Variants in FAHD1 observed in about 807,000 individuals in gnomAD.
The protein encoded by FAHD1 is oxaloacetate tautomerase FAHD1, mitochondrial.
FAHD1 carries 14 observed loss-of-function variants against 12.7 expected under a neutral mutation model. The ratio of observed to expected loss-of-function variants is 1.10; its 90% CI spans 0.73 to 1.72. The LOEUF is 1.72. FAHD1 is among the 40% of genes most tolerant of loss of function. FAHD1 has a pLI of 0.00. For synonymous variants in FAHD1, 153 were observed against 124.9 expected (o/e 1.22, Z -1.50); for missense variants, 351 against 298.9 (o/e 1.17, Z -1.29).
rs200823071 is a variant in FAHD1, at chr16:1,827,533, G to T, written c.295G>T (p.Asp99Tyr). The stretch of plus-strand genomic sequence containing the variant: ...CGTGGGCGGCTATGCCCTGTGCCTG[G>T]ATATGACCGCCCGGGACGTGCAGGA... Residue 99 changes from aspartate (D) to tyrosine (Y), a missense_variant, in exon 1 of 1, where the codon GAT becomes TAT. Physicochemically the swap from Asp to Tyr is radical, Grantham distance 160. Transcript: ENST00000427358. 6.6e-5 allele frequency: 107 copies of T among 1,613,246 alleles called. 1 individual carries two copies. In the East Asian group the frequency reaches 2.0e-3, roughly 30 times the overall value.
chr16:1,832,280 C>A (rs1041089474), downstream of FAHD1, among the ~76,000 whole-genome samples: 1 of 145,444 alleles, frequency 6.9e-6, no homozygotes, highest in Non-Finnish European at 1.5e-5. Context: ...ACGCCATTCT[C>A]CTGCCTCAGC....
At chr16:1,832,448 G>T (rs1023917840), downstream of FAHD1, among the ~76,000 whole-genome samples, 1 of 149,806 alleles carries the variant, frequency 6.7e-6, no homozygotes, top group Non-Finnish European at 1.5e-5. Context: ...TGGGATTACA[G>T]GCGTGAGCCA....
chr16:1,839,253 AC>A, intron 2 of FAHD1: 1 of 1,581,886 alleles, frequency 6.3e-7, no homozygotes. Context: ...TTTGCTATTT[AC>A]CGTGCAGCCC....
downstream of FAHD1, among the ~76,000 whole-genome samples, chr16:1,830,923 C>CAT: frequency 1.2e-5 from 1 of 81,284 alleles, no homozygotes; most frequent in Non-Finnish European, 3.2e-5. Context: ...TCTATACACA[C>CAT]ACACACACAC....
At chr16:1,827,214 A>G in exon 1 of FAHD1, 1 of 1,585,334 alleles carries the variant, frequency 6.3e-7, no homozygotes, top group Non-Finnish European at 8.6e-7. Context: ...AGCCCACGTG[A>G]CTACAGGGGC....
chr16:1,830,944 A>ACACACACACACACACACAC (rs57025691), downstream of FAHD1, among the ~76,000 whole-genome samples: 1 of 147,204 alleles, frequency 6.8e-6, no homozygotes, highest in Non-Finnish European at 1.5e-5. Flanking sequence ...ACACACACAC[A>ACACACACACACACACACAC]CCCATATTTT....
intron 2 of FAHD1, chr16:1,839,176 A>G: frequency 7.0e-7 from 1 of 1,434,594 alleles, no homozygotes; most frequent in South Asian, 1.6e-5. Flanking sequence ...CAAATGTTTG[A>G]CAAAACAACC....
chr16:1,828,415 C>A, exon 1 of FAHD1: 4 of 1,001,358 alleles, frequency 4.0e-6, no homozygotes, highest in Non-Finnish European at 4.8e-6. Context: ...TAAAGTATTT[C>A]TTCGGAAAAC....
intron 1 of FAHD1, chr16:1,834,234 G>C: frequency 7.8e-7 from 1 of 1,289,048 alleles, no homozygotes; most frequent in Non-Finnish European, 1.1e-6. Flanking sequence ...TACTTTTCCA[G>C]AGTTCAAAAT....
intron 1 of FAHD1, chr16:1,837,698 C>T: frequency 1.4e-6 from 1 of 692,414 alleles, no homozygotes; most frequent in Non-Finnish European, 2.3e-6. Flanking sequence ...ATAATAAATT[C>T]TCGAATTTAT....
chr16:1,836,339 G>C (rs920038182), intron 1 of FAHD1, among the ~76,000 whole-genome samples: 16 of 152,216 alleles, frequency 1.1e-4, no homozygotes, highest in African/African-American at 3.6e-4. Flanking sequence ...GTATCCACTT[G>C]AGGGTCATTC....
exon 1 of FAHD1, chr16:1,827,258 T>G (rs751822858): frequency 4.3e-6 from 7 of 1,610,708 alleles, no homozygotes; most frequent in Non-Finnish European, 5.1e-6. Flanking sequence ...TCCAGGCCAT[T>G]GTCCCGCTTC....
At chr16:1,828,030 G>C (rs1143032) in exon 1 of FAHD1, 3 of 1,467,582 alleles carry the variant, frequency 2.0e-6, no homozygotes, top group Non-Finnish European at 2.7e-6. Flanking sequence ...GCCTGTAATC[G>C]CAGCACTTTG....
chr16:1,829,532 A>G (rs545340004), downstream of FAHD1, among the ~76,000 whole-genome samples: 1 of 152,232 alleles, frequency 6.6e-6, no homozygotes, highest in Non-Finnish European at 1.5e-5. Context: ...TCTTGTAAGT[A>G]GATACATAAG....
At chr16:1,828,031 C>T (rs1143033) in exon 1 of FAHD1, 247,004 of 1,467,700 alleles carry the variant, frequency 0.17, 21,952 homozygotes, top group South Asian at 0.28. Context: ...CCTGTAATCG[C>T]AGCACTTTGG....
chr16:1,828,719 C>G, exon 1 of FAHD1: 1 of 948,486 alleles, frequency 1.1e-6, no homozygotes, highest in Non-Finnish European at 1.3e-6. Context: ...CAGGGCATTC[C>G]AAGTGATTCT....
At chr16:1,832,138 G>A (rs922197412), downstream of FAHD1, among the ~76,000 whole-genome samples, 1 of 149,628 alleles carries the variant, frequency 6.7e-6, no homozygotes, top group Non-Finnish European at 1.5e-5. Context: ...CCTTTACACC[G>A]ACACCCCAGC....
At chr16:1,839,245 TGC>T in intron 2 of FAHD1, 1 of 1,559,188 alleles carries the variant, frequency 6.4e-7, no homozygotes, top group African/African-American at 1.4e-5. Context: ...TCTTCCTTTT[TGC>T]TATTTACCGT....
exon 1 of FAHD1, chr16:1,827,303 G>A (rs1457619046): frequency 1.2e-6 from 2 of 1,613,210 alleles, no homozygotes; most frequent in South Asian, 1.1e-5. Context: ...TGCGTGGGGA[G>A]GAACTACGCG....
Sources: gnomAD v4.1 joint callset for allele counts (sites outside exome capture counted in the v4.1 genomes callset) on GRCh38, gnomAD v4.1.1 for gene constraint, MANE v1.5 for transcripts, NCBI Gene and HGNC (gene_info 2026-07-23, HGNC 2026-07-21) for gene names.